Variants in ACAT2 observed in about 807,000 individuals in gnomAD.
ACAT2 encodes the protein acetyl-CoA acetyltransferase 2.
ACAT2 carries 26 observed loss-of-function variants against 37.1 expected under a neutral mutation model. The observed-to-expected ratio is 0.70, with a 90% CI of 0.51 to 0.97. The LOEUF (loss-of-function observed/expected upper bound fraction) is 0.97. ACAT2 is among the 50% of genes least tolerant of loss of function. ACAT2 has a pLI of 0.00. For synonymous variants in ACAT2, 156 were observed against 163.6 expected, an observed-to-expected ratio of 0.95 and a Z score of 0.35; for missense variants, 468 against 489.0, an observed-to-expected ratio of 0.96 and a Z score of 0.40.
chr6:159,765,679 CCCT>C (rs139564460), intron 2 of ACAT2, among the ~76,000 whole-genome samples: 110,065 of 149,748 alleles, frequency 0.74, 40,676 homozygotes, highest in Admixed American at 0.79. Flanking sequence ...TAATGCGCCC[CCCT>C]CCCCCGGCCT....
At chr6:159,777,593 C>G in intron 7 of ACAT2, 137 bp downstream of exon 7, 1 of 1,103,436 alleles carries the variant, frequency 9.1e-7, no homozygotes, top group Non-Finnish European at 1.3e-6. Flanking sequence ...GAGATAAGGT[C>G]TTGCTCTGTT....
rs150792129 is a variant in ACAT2, at chr6:159,778,770, G to A, written c.1135G>A (p.Val379Ile). Residue 379 changes from valine (V) to isoleucine (I), a missense_variant, in exon 9 of 9, where the codon GTT (valine) becomes ATT (isoleucine). Val to Ile is a conservative substitution (Grantham distance 29, BLOSUM62 3). Coordinates refer to ENST00000367048, the MANE Select transcript of ACAT2 (RefSeq NM_005891.3). ...GGAGAGAATGGGCAGAAGTCGTGGT[G>A]TTGCAGCCCTGTGCATTGGGGGTGG... ...TLERMGRSRG[V>I]AALCIGGGMG... The A allele has an allele frequency of 1.2e-6, 2 of 1,614,252 alleles. No individual in the cohort carries two copies. Among genetic ancestry groups the A allele is most frequent in the Non-Finnish European group, 1.7e-6 (2 of 1,180,042 alleles).
chr6:159,775,033 C>T (rs1259821212), intron 4 of ACAT2, 137 bp from the exon 5 acceptor site: 8 of 970,502 alleles, frequency 8.2e-6, no homozygotes, highest in Non-Finnish European at 1.2e-5. Context: ...GGCCACCCCA[C>T]ACAGAGCATT....
chr6:159,766,032 T>C (rs1489170900), intron 2 of ACAT2, among the ~76,000 whole-genome samples: 2 of 152,248 alleles, frequency 1.3e-5, no homozygotes, highest in African/African-American at 4.8e-5. Context: ...TTGAAACTTT[T>C]AACTCCATTC....
At chr6:159,773,777 TAAAATG>T (rs2114982805) in intron 4 of ACAT2, among the ~76,000 whole-genome samples, 1 of 152,286 alleles carries the variant, frequency 6.6e-6, no homozygotes, top group East Asian at 1.9e-4. Flanking sequence ...ACTTATTCAA[TAAAATG>T]AAAATGTATG....
Position 159,778,300 on chromosome 6 carries a change from C to G in ACAT2, c.1023+20C>G. Reference sequence around the variant, plus strand: ...GAGAAGGTAAAGATGCACAAGTAACCCTGAGAGCTTACCAGTGAATTTCAC... The same window carrying G: ...GAGAAGGTAAAGATGCACAAGTAACGCTGAGAGCTTACCAGTGAATTTCAC... On this transcript the variant is annotated intron_variant, in intron 8 of 8. Transcript: ENST00000367048. 1 of 1,516,258 alleles carries G rather than the reference C, an allele frequency of 6.6e-7. No homozygotes were observed. The highest frequency in any genetic ancestry group is 1.4e-5 in the African/African-American group (1 of 72,170). 93.9% of individuals were successfully genotyped at this position (1,516,258 alleles called of 1,614,324 possible).
At chr6:159,766,701 A>G (rs1191726529) in intron 2 of ACAT2, among the ~76,000 whole-genome samples, 1 of 152,222 alleles carries the variant, frequency 6.6e-6, no homozygotes, top group Non-Finnish European at 1.5e-5. Context: ...GCGCCCAACT[A>G]TTTAAGCCAT....
chr6:159,775,526 T>C (rs1005343984), intron 5 of ACAT2: 2 of 531,688 alleles, frequency 3.8e-6, no homozygotes, highest in Non-Finnish European at 6.5e-6. Flanking sequence ...GCACTCTTGG[T>C]TCCAGAGCGT....
intron 3 of ACAT2, 141 bp from the exon 4 acceptor site, chr6:159,768,370 G>C (rs2114978879): frequency 1.1e-5 from 7 of 644,878 alleles, no homozygotes; most frequent in Middle Eastern, 2.8e-4. Flanking sequence ...CCTTGGCCTG[G>C]CTGAGGACCT....
At chr6:159,777,056 G>C (rs1406917119) in intron 6 of ACAT2, among the ~76,000 whole-genome samples, 1 of 152,188 alleles carries the variant, frequency 6.6e-6, no homozygotes, top group East Asian at 1.9e-4. Flanking sequence ...CAAAGTGCTG[G>C]GATTACAGGC....
chr6:159,769,684 T>G (rs1780306821), intron 4 of ACAT2, among the ~76,000 whole-genome samples: 1 of 152,190 alleles, frequency 6.6e-6, no homozygotes, highest in Non-Finnish European at 1.5e-5. Context: ...AAAACCCCAC[T>G]GTCACTGTCT....
intron 2 of ACAT2, among the ~76,000 whole-genome samples, chr6:159,763,868 G>A (rs1203077267): frequency 3.3e-5 from 5 of 151,904 alleles, no homozygotes; most frequent in East Asian, 2.0e-4. Context: ...CTGGGAGGCC[G>A]AGGTGGGCGG....
rs779935170 is a variant in ACAT2 at position 159,778,754 on chromosome 6, G to A, written c.1119G>A (p.Met373Ile). Residue 373 changes from methionine to isoleucine, a missense_variant, in exon 9 of 9, where the codon ATG (methionine) becomes ATA (isoleucine). Met to Ile is a conservative substitution (Grantham distance 10). Transcript: ENST00000367048. ...CCCTGTTACACACACTGGAGAGAAT[G>A]GGCAGAAGTCGTGGTGTTGCAGCCC... ...LVTLLHTLER[M>I]GRSRGVAALC... The A allele has an allele frequency of 1.2e-5, 19 of 1,614,106 alleles. No homozygotes were observed. In the South Asian group the frequency reaches 1.2e-4, roughly 10 times the overall value.
intron 4 of ACAT2, among the ~76,000 whole-genome samples, chr6:159,772,479 C>G (rs1342092171): frequency 6.6e-6 from 1 of 152,160 alleles, no homozygotes. Flanking sequence ...AAATTAAAGT[C>G]TTTTCAACAA....
In ACAT2 at chr6:159,777,403, G is replaced by A. The variant is rs1250435300; in HGVS notation, c.859G>A (p.Gly287Ser). 1 of 1,614,154 alleles carries A rather than the reference G, an allele frequency of 6.2e-7. No homozygotes were observed. The highest frequency in any genetic ancestry group is 1.7e-5 in the Admixed American group (1 of 60,018). The change falls in exon 7 of 9, where the codon GGT becomes AGT. Residue 287 changes from glycine (G) to serine (S), a missense_variant. Coordinates refer to ENST00000367048, the MANE Select transcript of ACAT2 (RefSeq NM_005891.3). Reference protein sequence around the residue: ...LARIVSWSQVGVEPSIMGIGP... With the variant: ...LARIVSWSQVSVEPSIMGIGP... Reference sequence around the variant, plus strand: ...ACGGATAGTTTCCTGGTCCCAAGTGGGTGTGGAGCCTTCCATTATGGGAAT... The same window carrying A: ...ACGGATAGTTTCCTGGTCCCAAGTGAGTGTGGAGCCTTCCATTATGGGAAT...
At chr6:159,772,883 T>TG (rs1780359630) in intron 4 of ACAT2, among the ~76,000 whole-genome samples, 1 of 152,072 alleles carries the variant, frequency 6.6e-6, no homozygotes, top group African/African-American at 2.4e-5. Flanking sequence ...AATAACTTTT[T>TG]TGTGTGTGTG....
At chr6:159,769,403 G>A (rs1244724990) in intron 4 of ACAT2, among the ~76,000 whole-genome samples, 2 of 152,068 alleles carry the variant, frequency 1.3e-5, no homozygotes, top group Admixed American at 1.3e-4. Flanking sequence ...AACTAGAGGT[G>A]GTCATTAAAA....
intron 1 of ACAT2, 118 bp from the exon 2 acceptor site, chr6:159,762,800 AG>A: frequency 1.3e-6 from 2 of 1,593,756 alleles, no homozygotes; most frequent in Non-Finnish European, 1.7e-6. Context: ...GTGGGAGGAG[AG>A]GGCACTGCCT....
At chr6:159,771,413 G>A (rs910370832) in intron 4 of ACAT2, among the ~76,000 whole-genome samples, 28 of 152,122 alleles carry the variant, frequency 1.8e-4, no homozygotes, top group African/African-American at 6.7e-4. Flanking sequence ...CAGAGCCTTG[G>A]TGGTCTGCAG....
Sources: allele counts gnomAD v4.1 joint callset (sites outside exome capture counted in the v4.1 genomes callset), GRCh38; gene constraint gnomAD v4.1.1; transcripts MANE v1.5; gene names NCBI Gene and HGNC (gene_info 2026-07-23, HGNC 2026-07-21).